SULT6B1: variants seen among roughly 807,000 people sequenced by gnomAD.
SULT6B1 encodes sulfotransferase 6B1.
Under a neutral mutation model 37.2 loss-of-function variants are expected in SULT6B1, and 44 were observed. That is an observed-to-expected ratio of 1.18 (90% confidence interval 0.93 to 1.52). The LOEUF (loss-of-function observed/expected upper bound fraction) is 1.52. Ranked by LOEUF, SULT6B1 falls within the 40% of genes most tolerant of loss-of-function variation. The pLI, the probability that SULT6B1 is intolerant of heterozygous loss-of-function variation, is 0.00. For missense variants in SULT6B1, 450 were observed against 361.0 expected (o/e 1.25, Z -2.00); for synonymous variants, 140 against 126.0 (o/e 1.11, Z -0.74).
intron 4 of SULT6B1, among the ~76,000 whole-genome samples, chr2:37,177,871 C>T (rs529273046): frequency 1.3e-5 from 2 of 151,916 alleles, no homozygotes; most frequent in Non-Finnish European, 2.9e-5. Context: ...AAAAAGTAGC[C>T]CTCTTAGAGT....
chr2:37,184,397 A>G (rs1676625026), intron 2 of SULT6B1, among the ~76,000 whole-genome samples: 1 of 152,192 alleles, frequency 6.6e-6, no homozygotes, highest in African/African-American at 2.4e-5. Flanking sequence ...TCTGTAATCT[A>G]TTTCTATAGA....
chr2:37,169,886 G>C (rs1676258308), intron 6 of SULT6B1, among the ~76,000 whole-genome samples: 2 of 152,110 alleles, frequency 1.3e-5, no homozygotes, highest in Admixed American at 1.3e-4. Flanking sequence ...TGTCCTTGCT[G>C]GTATATGTGC....
chr2:37,181,759 G>A (rs886237346), intron 3 of SULT6B1, among the ~76,000 whole-genome samples: 2 of 152,100 alleles, frequency 1.3e-5, no homozygotes, highest in African/African-American at 4.8e-5. Flanking sequence ...CAAGTCCAAC[G>A]CTTTATAAAT....
At chr2:37,174,967 C>A (rs569626446) in intron 5 of SULT6B1, among the ~76,000 whole-genome samples, 165 bp downstream of exon 5, 3 of 152,144 alleles carry the variant, frequency 2.0e-5, no homozygotes, top group Admixed American at 2.0e-4. Context: ...ACAACCTAAG[C>A]ATGTATGCAT....
chr2:37,187,759 T>C (rs543554160), intron 1 of SULT6B1, among the ~76,000 whole-genome samples: 56 of 152,322 alleles, frequency 3.7e-4, no homozygotes, highest in Non-Finnish European at 7.3e-4. Flanking sequence ...TGTTATGTTA[T>C]AGAAATAGTT....
Position 37,167,954 on chromosome 2 carries a change from T to G in SULT6B1, c.893A>C (p.Glu298Ala), listed in dbSNP as rs746359074. 1.3e-6 allele frequency: 2 copies of G among 1,595,302 alleles called. No individual in the cohort carries two copies. Among genetic ancestry groups the G allele is most frequent in the Admixed American group, 3.7e-5 (2 of 53,814 alleles). The change falls in exon 7 of 7, where the codon GAA (glutamate) becomes GCA (alanine). Residue 298 changes from glutamate to alanine, a missense_variant. Glu to Ala is a moderately radical substitution (Grantham distance 107, BLOSUM62 -1). Transcript: ENST00000535679. ...GTSLGAKLKY[E>A]SYCQG ...CTGGAATCAACCCTGGCAATATGAT[T>G]CATACTTCAACTTTGCTCCGAGGGA...
At chr2:37,185,717 CAAA>C (rs200087048) in intron 2 of SULT6B1, among the ~76,000 whole-genome samples, 25 of 83,368 alleles carry the variant, frequency 3.0e-4, no homozygotes, top group Admixed American at 2.9e-3. Flanking sequence ...GACTCCATTT[CAAA>C]AAAAAAAAAA....
upstream of SULT6B1, among the ~76,000 whole-genome samples, chr2:37,191,881 A>G (rs771538463): frequency 6.6e-6 from 1 of 152,220 alleles, no homozygotes; most frequent in Non-Finnish European, 1.5e-5. Flanking sequence ...AGCATGCTAT[A>G]ACACCCGCTC....
chr2:37,187,855 C>G (rs940165777), intron 1 of SULT6B1, among the ~76,000 whole-genome samples: 1 of 149,022 alleles, frequency 6.7e-6, no homozygotes, highest in African/African-American at 2.4e-5. Flanking sequence ...GAAAACACAG[C>G]ATCAGTTAAG....
At chr2:37,193,594 GAAA>G (rs796408393), upstream of SULT6B1, among the ~76,000 whole-genome samples, 2,916 of 106,522 alleles carry the variant, frequency 0.027, 47 homozygotes, top group East Asian at 0.092. Flanking sequence ...AGAAGAAGAA[GAAA>G]AAGAAGAAGA....
chr2:37,175,054 C>G (rs1676384304), intron 5 of SULT6B1, 78 bp downstream of exon 5: 4 of 791,584 alleles, frequency 5.1e-6, no homozygotes, highest in Non-Finnish European at 7.5e-6. Flanking sequence ...TTTGTTTATA[C>G]AAACAGACAT....
chr2:37,193,639 GAA>G (rs1558454955), upstream of SULT6B1, among the ~76,000 whole-genome samples: 2 of 150,812 alleles, frequency 1.3e-5, no homozygotes, highest in Admixed American at 6.6e-5. Flanking sequence ...AGAAGAAGAA[GAA>G]GAAGAAGAAG....
chr2:37,191,756 TC>T (rs1676784901), upstream of SULT6B1, among the ~76,000 whole-genome samples: 1 of 152,038 alleles, frequency 6.6e-6, no homozygotes, highest in Non-Finnish European at 1.5e-5. Flanking sequence ...TAATACTGTA[TC>T]CCCCACCCTT....
rs1558442260 is a variant in SULT6B1 at position 37,168,070 on chromosome 2, AAC to A, written c.782-7_782-6del. ...TTTTCCAATCACCAACTTCACCTACAACACACAAAAAACAGTAGACCCAGATA... is the reference window on the plus strand; with the variant it reads ...TTTTCCAATCACCAACTTCACCTACAACACAAAAAACAGTAGACCCAGATA... On this transcript the variant is annotated splice_polypyrimidine_tract_variant and splice_region_variant and intron_variant, in intron 6 of 6. Coordinates refer to ENST00000535679, the MANE Select transcript of SULT6B1 (RefSeq NM_001367551.1). 1 of 1,578,380 alleles carries A rather than the reference AAC, an allele frequency of 6.3e-7. No individual in the cohort carries two copies. The highest frequency in any genetic ancestry group is 2.3e-5 in the East Asian group (1 of 43,162).
At chr2:37,170,934 G>C (rs1676282913) in intron 6 of SULT6B1, among the ~76,000 whole-genome samples, 1 of 151,482 alleles carries the variant, frequency 6.6e-6, no homozygotes, top group Non-Finnish European at 1.5e-5. Context: ...CCGCAGAAAG[G>C]ACCCTAAAAG....
chr2:37,170,632 G>A (rs997336774), intron 6 of SULT6B1, among the ~76,000 whole-genome samples: 5 of 151,366 alleles, frequency 3.3e-5, no homozygotes, highest in African/African-American at 9.7e-5. Context: ...TTAGCCAGGC[G>A]TGGTGGCGCA....
chr2:37,170,656 T>A (rs1676273413), intron 6 of SULT6B1, among the ~76,000 whole-genome samples: 1 of 148,848 alleles, frequency 6.7e-6, no homozygotes, highest in South Asian at 2.1e-4. Flanking sequence ...AAGAATCTCT[T>A]GAACCCAGGA....
chr2:37,173,335 A>G (rs1676345874), intron 5 of SULT6B1, among the ~76,000 whole-genome samples: 1 of 151,786 alleles, frequency 6.6e-6, no homozygotes, highest in Non-Finnish European at 1.5e-5. Context: ...TTTTTCCCCA[A>G]ACTCTTTAAA....
upstream of SULT6B1, chr2:37,191,257 CAAAAAAAAAAA>C (rs33927399): frequency 2.2e-5 from 2 of 89,974 alleles, no homozygotes; most frequent in African/African-American, 8.2e-5. Context: ...TTTTTCACTG[CAAAAAAAAAAA>C]AAAAAAAAAA....
Sources: gnomAD v4.1 joint callset for allele counts (sites outside exome capture counted in the v4.1 genomes callset) on GRCh38, gnomAD v4.1.1 for gene constraint, MANE v1.5 for transcripts, NCBI Gene and HGNC (gene_info 2026-07-23, HGNC 2026-07-21) for gene names.